SRRD: variants seen among roughly 807,000 people sequenced by gnomAD.
SRRD encodes SRR1-like protein.
In SRRD, 28 loss-of-function variants were observed where a neutral mutation model predicts 30.7. The observed-to-expected ratio is 0.91, with a 90% CI of 0.68 to 1.25. The LOEUF is 1.25. Among genes scored for constraint, SRRD ranks in the 50% most tolerant of loss-of-function variants. The pLI is 0.00. For missense variants in SRRD, 415 were observed against 417.3 expected (o/e 0.99, Z 0.05); for synonymous variants, 161 against 159.6 (o/e 1.01, Z -0.07).
chr22:26,490,923 C>T (rs1921083764), intron 5 of SRRD, 102 bp from the exon 6 acceptor site: 4 of 1,049,750 alleles, frequency 3.8e-6, no homozygotes, highest in Non-Finnish European at 5.7e-6. Flanking sequence ...ATGCTTCAAT[C>T]ATCTTGCCCT....
chr22:26,493,787 C>T lies in SRRD; in HGVS notation c.*2115C>T, dbSNP rs961682724. On this transcript the variant is annotated 3_prime_UTR_variant, in exon 7 of 7. Coordinates refer to ENST00000215917, the MANE Select transcript of SRRD (RefSeq NM_001013694.3). ...GTCAGACCGCGTGCCAAACTCCACACTGTAAGATGCGTCACCTAAGCAGCA... is the reference window on the plus strand; with the variant it reads ...GTCAGACCGCGTGCCAAACTCCACATTGTAAGATGCGTCACCTAAGCAGCA... The T allele has an allele frequency of 3.9e-6, 1 of 257,780 alleles. No individual in the cohort carries two copies. The highest frequency in any genetic ancestry group is 7.7e-6 in the Non-Finnish European group (1 of 130,670). 16.0% of individuals were successfully genotyped at this position (257,780 alleles called of 1,614,324 possible). A position where few individuals can be genotyped will look rare whatever the true frequency, so the allele number is the denominator to read the frequency against.
intron 2 of SRRD, 105 bp downstream of exon 2, chr22:26,486,168 C>T (rs754211373): frequency 1.3e-5 from 17 of 1,322,542 alleles, no homozygotes; most frequent in East Asian, 1.2e-4. Flanking sequence ...TGGGTTCTAA[C>T]GCCGCCCGCC....
At chr22:26,487,371 T>C (rs948684980) in intron 2 of SRRD, among the ~76,000 whole-genome samples, 1 of 152,154 alleles carries the variant, frequency 6.6e-6, no homozygotes, top group African/African-American at 2.4e-5. Context: ...CTTTATTTTA[T>C]TTTTTTGAGA....
In SRRD at chr22:26,491,886, C is replaced by T; in HGVS notation, c.*214C>T. 1 of 1,051,430 alleles carries T rather than the reference C, an allele frequency of 9.5e-7. No individual in the cohort carries two copies. The highest frequency in any genetic ancestry group is 1.4e-6 in the Non-Finnish European group (1 of 734,612). The allele number at this position is 1,051,430 out of a possible 1,614,324, so 65.1% of individuals were successfully genotyped here. On this transcript the variant is annotated 3_prime_UTR_variant, in exon 7 of 7. Coordinates refer to ENST00000215917, the MANE Select transcript of SRRD (RefSeq NM_001013694.3). Reference sequence around the variant, plus strand: ...CCATTTTACATCCTTCCCTCATGACCTGGCCTGATGTGGAGTAGCTCCTGA... The same window carrying T: ...CCATTTTACATCCTTCCCTCATGACTTGGCCTGATGTGGAGTAGCTCCTGA...
rs117749053 is a variant in SRRD, at chr22:26,486,211, C to T, written c.250+148C>T. 53 of 805,886 alleles carry T rather than the reference C, an allele frequency of 6.6e-5. No individual in the cohort carries two copies. The Middle Eastern group carries it at 7.9e-4, about 12-fold the overall frequency. The allele number at this position is 805,886 out of a possible 1,614,324, so 49.9% of individuals were successfully genotyped here. A position where few individuals can be genotyped will look rare whatever the true frequency, so the allele number is the denominator to read the frequency against. ...GCTGTATGTCTTTTGGCACTTAATTCTGATCCTCAGTTTCTTTATCTGTGA... is the reference window on the plus strand; with the variant it reads ...GCTGTATGTCTTTTGGCACTTAATTTTGATCCTCAGTTTCTTTATCTGTGA... On this transcript the variant is annotated intron_variant, in intron 2 of 6. Transcript: ENST00000215917.
Position 26,486,258 on chromosome 22 carries a change from CTA to C in SRRD, c.250+198_250+199del, listed in dbSNP as rs1374962011. On this transcript the variant is annotated intron_variant, in intron 2 of 6. Coordinates refer to ENST00000215917, the MANE Select transcript of SRRD (RefSeq NM_001013694.3). ...GTGAAATGGAGATAATGTGTATATC[CTA>C]TAGTTTTGAGAATTGAAGCTGTTTA... 2.0e-5 allele frequency among the ~76,000 whole-genome samples: 3 copies of C among 152,130 alleles called. No individual in the cohort carries two copies. The East Asian group carries it at 5.8e-4, about 29-fold the overall frequency.
rs1246289788 is a variant in SRRD at position 26,492,041 on chromosome 22, A to G, written c.*369A>G. On this transcript the variant is annotated 3_prime_UTR_variant, in exon 7 of 7. Coordinates refer to ENST00000215917, the MANE Select transcript of SRRD (RefSeq NM_001013694.3). The stretch of plus-strand genomic sequence containing the variant: ...CTTGGCCATGTCGATCAGGCTCTGC[A>G]GTGAGGTGGGCACCCACGTCTTCTC... 6.2e-7 allele frequency: 1 copy of G among 1,604,844 alleles called. No homozygotes were observed. Among genetic ancestry groups the G allele is most frequent in the Non-Finnish European group, 8.5e-7 (1 of 1,175,726 alleles).
chr22:26,484,635 C>A (rs2091655355), intron 1 of SRRD, among the ~76,000 whole-genome samples: 1 of 152,262 alleles, frequency 6.6e-6, no homozygotes, highest in Non-Finnish European at 1.5e-5. Context: ...CTCACTGATT[C>A]TCAAAGAGAC....
intron 5 of SRRD, 60 bp from the exon 6 acceptor site, chr22:26,490,965 C>A: frequency 2.2e-6 from 3 of 1,337,156 alleles, no homozygotes; most frequent in Admixed American, 1.9e-5. Context: ...ATGAAACTAT[C>A]CTCATACCTC....
intron 2 of SRRD, among the ~76,000 whole-genome samples, chr22:26,486,642 C>T (rs899474674): frequency 1.3e-5 from 2 of 152,148 alleles, no homozygotes; most frequent in Non-Finnish European, 2.9e-5. Flanking sequence ...CTTCCCAAAG[C>T]GCTGGGATTA....
At position 26,494,147 on chromosome 22, in the gene SRRD, G is replaced by C. The variant is rs1228601875; in HGVS notation, c.*2475G>C. On this transcript the variant is annotated 3_prime_UTR_variant, in exon 7 of 7. Transcript: ENST00000215917. Reference sequence around the variant, plus strand: ...TGGGAATCCTCACTTACCAACGTTGGAGGACACCGCCCGGTTCATGATATC... The same window carrying C: ...TGGGAATCCTCACTTACCAACGTTGCAGGACACCGCCCGGTTCATGATATC... 1 of 1,613,768 alleles carries C rather than the reference G, an allele frequency of 6.2e-7. No individual in the cohort carries two copies. Among genetic ancestry groups the C allele is most frequent in the Non-Finnish European group, 8.5e-7 (1 of 1,179,778 alleles).
At chr22:26,491,146 T>G in intron 6 of SRRD, 76 bp downstream of exon 6, 2 of 1,472,078 alleles carry the variant, frequency 1.4e-6, no homozygotes, top group Admixed American at 3.9e-5. Flanking sequence ...TTTACAGGCG[T>G]AGGAGGAAAC....
rs776589742 is a variant in SRRD at position 26,491,831 on chromosome 22, A to G, written c.*159A>G. 1 of 917,510 alleles carries G rather than the reference A, an allele frequency of 1.1e-6. No homozygotes were observed. The highest frequency in any genetic ancestry group is 1.6e-6 in the Non-Finnish European group (1 of 621,768). 56.8% of individuals were successfully genotyped at this position (917,510 alleles called of 1,614,324 possible). On this transcript the variant is annotated 3_prime_UTR_variant, in exon 7 of 7. Transcript: ENST00000215917. ...ACGATACCCCACATGAGGACTTGGT[A>G]TAAAGATTCCTGCCCTACGTGGCAT...
chr22:26,488,201 T>C lies in SRRD; in HGVS notation c.423T>C (p.Cys141=). ...ILVTGTCHLK[C]VCYGIGNFAT... ...TCACAGGAACCTGCCATTTGAAGTG[T>C]GTGTGTTACGGCATTGGGAACTTTG... The change falls in exon 3 of 7, where the codon TGT becomes TGC. Residue 141 remains cysteine (C), a synonymous_variant. Coordinates refer to ENST00000215917, the MANE Select transcript of SRRD (RefSeq NM_001013694.3). The C allele has an allele frequency of 6.2e-7, 1 of 1,614,206 alleles. No homozygotes were observed. The highest frequency in any genetic ancestry group is 8.5e-7 in the Non-Finnish European group (1 of 1,180,030).
chr22:26,494,419 A>G lies in SRRD; in HGVS notation c.*2747A>G. On this transcript the variant is annotated 3_prime_UTR_variant, in exon 7 of 7. Transcript: ENST00000215917. ...TCCTACAGGCTAGTGACACTACTTT[A>G]CAGGGATTTATAGTAGCTAAACAGT... 8.0e-7 allele frequency: 1 copy of G among 1,251,656 alleles called. No homozygotes were observed. Among genetic ancestry groups the G allele is most frequent in the Non-Finnish European group, 1.1e-6 (1 of 871,038 alleles). The allele number at this position is 1,251,656 out of a possible 1,614,324, so 77.5% of individuals were successfully genotyped here. A position where few individuals can be genotyped will look rare whatever the true frequency, so the allele number is the denominator to read the frequency against.
intron 1 of SRRD, 87 bp downstream of exon 1, chr22:26,484,186 A>C: frequency 2.0e-5 from 26 of 1,274,702 alleles, no homozygotes; most frequent in Non-Finnish European, 2.6e-5. Context: ...TGGAGATATA[A>C]TGCACACCCT....
In SRRD at chr22:26,491,471, A is replaced by C. The variant is rs746589610; in HGVS notation, c.819A>C (p.Lys273Asn). 1 of 1,609,652 alleles carries C rather than the reference A, an allele frequency of 6.2e-7. No homozygotes were observed. The highest frequency in any genetic ancestry group is 8.5e-7 in the Non-Finnish European group (1 of 1,178,648). The change falls in exon 7 of 7, where the codon AAA (lysine) becomes AAC (asparagine). Residue 273 changes from lysine (K) to asparagine (N), a missense_variant. Transcript: ENST00000215917. ...TGAATTTTTCTGCTCAGATTTTAAAAGGACTGGAGGAGCTTGAGTTTCCTC... is the reference window on the plus strand; with the variant it reads ...TGAATTTTTCTGCTCAGATTTTAAACGGACTGGAGGAGCTTGAGTTTCCTC... ...KNYPYIAKIL[K>N]GLEELEFPQT...
At position 26,494,082 on chromosome 22, in the gene SRRD, C is replaced by T; in HGVS notation, c.*2410C>T. On this transcript the variant is annotated 3_prime_UTR_variant, in exon 7 of 7. Transcript: ENST00000215917. ...GAAAACTCTGATTCTGTGTCATTTA[C>T]ATGTGTAAAATCTGAAACTTGGGGC... 1.3e-6 allele frequency: 2 copies of T among 1,590,826 alleles called. No homozygotes were observed. Among genetic ancestry groups the T allele is most frequent in the Non-Finnish European group, 1.7e-6 (2 of 1,164,104 alleles).
At chr22:26,488,513 C>T (rs777047110) in intron 4 of SRRD, 25 bp downstream of exon 4, 194 of 1,571,838 alleles carry the variant, frequency 1.2e-4, no homozygotes, top group Admixed American at 9.5e-4. Context: ...GGGGAGCAGA[C>T]AGAACTGTAA....
Sources: gnomAD v4.1 joint callset for allele counts (sites outside exome capture counted in the v4.1 genomes callset) on GRCh38, gnomAD v4.1.1 for gene constraint, MANE v1.5 for transcripts, NCBI Gene and HGNC (gene_info 2026-07-23, HGNC 2026-07-21) for gene names.